The following NLGN4X variants were observed in gnomAD, a reference collection of about 807,000 sequenced individuals.
NLGN4X encodes the protein neuroligin 4 X-linked, also known as neuroligin-4, X-linked.
A neutral mutation model predicts 40.3 loss-of-function variants in NLGN4X; 3 were observed. The ratio of observed to expected loss-of-function variants is 0.07; its 90% CI spans 0.03 to 0.19. NLGN4X has a LOEUF of 0.19. Ranked by LOEUF, NLGN4X falls within the 10% of genes least tolerant of loss-of-function variation. The pLI is 1.00. For synonymous variants in NLGN4X, 270 were observed against 306.8 expected (o/e 0.88, Z 1.25); for missense variants, 382 against 708.3 (o/e 0.54, Z 5.23).
chrX:5,959,289 T>C (rs1409129195), intron 3 of NLGN4X, among the ~76,000 whole-genome samples: 2 of 112,428 alleles, frequency 1.8e-5, no homozygotes, highest in Non-Finnish European at 3.8e-5. Flanking sequence ...TTATGGGCAC[T>C]GGAGCAGGTC....
At chrX:6,061,427 T>TA (rs35449879) in intron 2 of NLGN4X, among the ~76,000 whole-genome samples, 1 of 107,194 alleles carries the variant, frequency 9.3e-6, no homozygotes, top group African/African-American at 3.4e-5. Flanking sequence ...TTTCTCATCT[T>TA]AAAAAAAAAA....
chrX:5,954,650 C>G (rs1275819006), intron 3 of NLGN4X, among the ~76,000 whole-genome samples: 3 of 108,768 alleles, frequency 2.8e-5, no homozygotes, highest in Non-Finnish European at 5.7e-5. Context: ...CTCTCTCTCT[C>G]TCTCTCTCTC....
intron 5 of NLGN4X, among the ~76,000 whole-genome samples, chrX:5,894,229 G>A (rs1376713169): frequency 1.8e-5 from 2 of 112,369 alleles, no homozygotes; most frequent in African/African-American, 3.2e-5. Flanking sequence ...TACTGAGGTT[G>A]AGAAATTCTG....
intron 3 of NLGN4X, among the ~76,000 whole-genome samples, chrX:5,968,457 C>CTGTG (rs529573810): frequency 0.011 from 528 of 46,929 alleles, 7 homozygotes; most frequent in African/African-American, 0.023. Flanking sequence ...CTCTCTCTCT[C>CTGTG]TGTGTGTGTG....
rs2035683174 is a variant in NLGN4X, at chrX:5,991,491, C to T, written c.625+37789G>A. On this transcript the variant is annotated intron_variant, in intron 3 of 5. Transcript: ENST00000381095. ...CCTGCAGGTGCAGCTGACAACGATG[C>T]TTGCAGTTTCCATGAGCCAGTGTGT... is the stretch of plus-strand genomic sequence containing the variant. The T allele has an allele frequency of 5.8e-6, 3 of 518,765 alleles. No homozygotes were observed. In the African/African-American group the frequency reaches 7.0e-5, roughly 12 times the overall value. 42.8% of individuals were successfully genotyped at this position (518,765 alleles called of 1,213,427 possible).
At chrX:5,930,168 C>T (rs1336889739) in intron 3 of NLGN4X, among the ~76,000 whole-genome samples, 1 of 112,238 alleles carries the variant, frequency 8.9e-6, no homozygotes, top group Non-Finnish European at 1.9e-5. Flanking sequence ...ATCAAGAATG[C>T]TCATTAAGTA....
chrX:5,921,424 A>AGAGAGAAG (rs2033051679), intron 3 of NLGN4X, among the ~76,000 whole-genome samples: 1 of 106,640 alleles, frequency 9.4e-6, no homozygotes, highest in African/African-American at 3.4e-5. Context: ...AGAGAGAGAG[A>AGAGAGAAG]GAGAGAGAGA....
intron 1 of NLGN4X, among the ~76,000 whole-genome samples, chrX:6,155,136 T>C (rs2040237149): frequency 9.0e-6 from 1 of 111,113 alleles, no homozygotes. Context: ...GCTTTGTAGA[T>C]GCTTTTAAAA....
At chrX:6,021,045 T>TAC in intron 3 of NLGN4X, among the ~76,000 whole-genome samples, 1 of 23,001 alleles carries the variant, frequency 4.3e-5, no homozygotes, top group Non-Finnish European at 6.5e-5. Context: ...TCTCTCTCTC[T>TAC]CTCCCTCCCT....
chrX:6,196,348 A>G (rs1291017102), intron 1 of NLGN4X, among the ~76,000 whole-genome samples: 4 of 110,294 alleles, frequency 3.6e-5, no homozygotes, highest in South Asian at 7.9e-4. Context: ...TCAGGAGATC[A>G]AGACCGTCCT....
chrX:5,936,630 C>T (rs1365015718), intron 3 of NLGN4X, among the ~76,000 whole-genome samples: 3 of 111,727 alleles, frequency 2.7e-5, no homozygotes, highest in Admixed American at 9.6e-5. Flanking sequence ...GATGTATTGG[C>T]TATGTTACTG....
At chrX:6,197,902 A>G (rs780310201) in intron 1 of NLGN4X, among the ~76,000 whole-genome samples, 1 of 109,199 alleles carries the variant, frequency 9.2e-6, no homozygotes, top group Non-Finnish European at 1.9e-5. Context: ...TGTCTCTACA[A>G]AAAAATACAA....
intron 2 of NLGN4X, among the ~76,000 whole-genome samples, chrX:6,060,131 G>T (rs912534182): frequency 1.3e-4 from 14 of 111,711 alleles, no homozygotes; most frequent in African/African-American, 4.6e-4. Context: ...ATACAAAATT[G>T]TACTAACACA....
chrX:5,902,978 G>A, intron 5 of NLGN4X, 99 bp downstream of exon 5: 1 of 942,930 alleles, frequency 1.1e-6, no homozygotes, highest in Non-Finnish European at 1.5e-6. Flanking sequence ...GTGTGTGTAT[G>A]CGTGTGTGCT....
chrX:6,095,783 T>A (rs749173409), intron 2 of NLGN4X, among the ~76,000 whole-genome samples: 4 of 111,244 alleles, frequency 3.6e-5, no homozygotes, highest in Non-Finnish European at 5.7e-5. Flanking sequence ...ACGCCAGGAG[T>A]GCTGCTAAAC....
chrX:6,057,658 T>C (rs193287476), intron 2 of NLGN4X, among the ~76,000 whole-genome samples: 158 of 112,189 alleles, frequency 1.4e-3, no homozygotes, highest in African/African-American at 4.9e-3. Flanking sequence ...GTGGTCATTG[T>C]TACAGACAAT....
chrX:6,187,430 G>GGCACACGCCAGAAGGCAC (rs1457812433), intron 1 of NLGN4X: 1 of 110,980 alleles, frequency 9.0e-6, no homozygotes, highest in Admixed American at 9.5e-5. Flanking sequence ...TACACGCACA[G>GGCACACGCCAGAAGGCAC]GCACACGCCA....
intron 3 of NLGN4X, among the ~76,000 whole-genome samples, chrX:6,003,981 A>G (rs2036039875): frequency 8.9e-6 from 1 of 112,551 alleles, no homozygotes; most frequent in Non-Finnish European, 1.9e-5. Flanking sequence ...GGGGTAGAGC[A>G]GCGAGTGAGC....
intron 3 of NLGN4X, among the ~76,000 whole-genome samples, chrX:5,978,274 TTCTTTCTTTC>T (rs2035246593): frequency 8.5e-4 from 1 of 1,171 alleles, no homozygotes; most frequent in Non-Finnish European, 1.6e-3. Context: ...GTCTCTTTTT[TTCTTTCTTTC>T]TTTCTTTCTT....
Sources: gnomAD v4.1 joint callset for allele counts (sites outside exome capture counted in the v4.1 genomes callset) on GRCh38, gnomAD v4.1.1 for gene constraint, MANE v1.5 for transcripts, NCBI Gene and HGNC (gene_info 2026-07-23, HGNC 2026-07-21) for gene names.